The following CECR2 variants were observed in gnomAD, a reference collection of about 807,000 sequenced individuals.
CECR2 encodes chromatin remodeling regulator CECR2.
CECR2 carries 30 observed loss-of-function variants against 154.5 expected under a neutral mutation model. The observed-to-expected ratio is 0.19, with a 90% confidence interval of 0.15 to 0.26. CECR2 has a LOEUF of 0.26. Among genes scored for constraint, CECR2 ranks in the 10% least tolerant of loss-of-function variants. The probability of loss-of-function intolerance (pLI) is 1.00; values close to 1 mark genes in which losing one functional copy is unlikely to be tolerated. For missense variants in CECR2, 1,743 were observed against 1,829.3 expected, an observed-to-expected ratio of 0.95 and a Z score of 0.86; for synonymous variants, 725 against 683.7, an observed-to-expected ratio of 1.06 and a Z score of -0.94.
chr22:17,445,691 C>G (rs936445722), intron 1 of CECR2, among the ~76,000 whole-genome samples: 1 of 151,794 alleles, frequency 6.6e-6, no homozygotes, highest in African/African-American at 2.4e-5. Flanking sequence ...CTCCCAGGTT[C>G]GGGCAGTTCT....
chr22:17,545,714 G>A (rs1199025498), intron 16 of CECR2, among the ~76,000 whole-genome samples: 2 of 151,258 alleles, frequency 1.3e-5, no homozygotes, highest in Non-Finnish European at 2.9e-5. Flanking sequence ...ACAGTGGTGG[G>A]TGCCTGTAAT....
chr22:17,435,684 TAAAAAAAAA>T (rs10694414), intron 1 of CECR2, among the ~76,000 whole-genome samples: 6 of 90,944 alleles, frequency 6.6e-5, no homozygotes, highest in South Asian at 8.7e-4. Flanking sequence ...TTTTAATTCT[TAAAAAAAAA>T]AAAAAAAAAA....
At chr22:17,408,862 G>A (rs955718268) in intron 1 of CECR2, among the ~76,000 whole-genome samples, 16 of 152,152 alleles carry the variant, frequency 1.1e-4, no homozygotes, top group African/African-American at 2.9e-4. Flanking sequence ...ATTTAGAATA[G>A]TCTAAGTCCC....
intron 1 of CECR2, among the ~76,000 whole-genome samples, chr22:17,424,094 T>C (rs1030740926): frequency 7.2e-5 from 11 of 152,198 alleles, no homozygotes; most frequent in Non-Finnish European, 1.6e-4. Flanking sequence ...TATTATGTTA[T>C]CAGAATATGC....
At chr22:17,535,691 A>G (rs933109024) in intron 9 of CECR2, among the ~76,000 whole-genome samples, 2 of 151,912 alleles carry the variant, frequency 1.3e-5, no homozygotes, top group Admixed American at 1.3e-4. Context: ...TTTCCAGAAA[A>G]AAAAAAAATA....
chr22:17,548,153 C>A lies in CECR2; in HGVS notation c.2866C>A (p.Pro956Thr). Residue 956 changes from proline (P) to threonine (T), a missense_variant, in exon 17 of 19, where the codon CCG becomes ACG. Pro to Thr is a conservative substitution (Grantham distance 38). This residue lies in a region of CECR2 where 1,250 missense variants were observed against 1,192.1 expected (regional missense o/e 1.05). Coordinates refer to ENST00000262608, the MANE Select transcript of CECR2 (RefSeq NM_001290047.2). The part of the protein sequence containing the change: ...AQEPENDQAE[P>T]LPGLEEKPPG... ...CTTTTTTTTTTTTTTTGCAGCAGAG[C>A]CGTTGCCTGGCCTTGAAGAGAAACC... 2.0e-6 allele frequency: 3 copies of A among 1,520,750 alleles called. No homozygotes were observed. Among genetic ancestry groups the A allele is most frequent in the Non-Finnish European group, 1.8e-6 (2 of 1,133,198 alleles). 94.2% of individuals were successfully genotyped at this position (1,520,750 alleles called of 1,614,324 possible). A position where few individuals can be genotyped will look rare whatever the true frequency, so the allele number is the denominator to read the frequency against.
At chr22:17,371,402 C>A (rs1361579558) in intron 1 of CECR2, among the ~76,000 whole-genome samples, 3 of 152,004 alleles carry the variant, frequency 2.0e-5, no homozygotes, top group Non-Finnish European at 2.9e-5. Flanking sequence ...GGCGCCACAG[C>A]GTTTGTTTTC....
intron 1 of CECR2, among the ~76,000 whole-genome samples, chr22:17,442,141 A>ATTTCCCACCTT (rs1447701482): frequency 4.6e-5 from 6 of 131,564 alleles, no homozygotes; most frequent in African/African-American, 2.2e-4. Context: ...AAGGTGGGAA[A>ATTTCCCACCTT]GACAGAAAAA....
At chr22:17,404,364 C>CCTTTTTTTTTTTTTTT (rs781954770) in intron 1 of CECR2, among the ~76,000 whole-genome samples, 1 of 59,608 alleles carries the variant, frequency 1.7e-5, no homozygotes, top group African/African-American at 7.5e-5. Context: ...GGACCCTGTT[C>CCTTTTTTTTTTTTTTT]TTTCTTTTTT....
intron 2 of CECR2, among the ~76,000 whole-genome samples, chr22:17,489,053 C>T (rs1031215205): frequency 5.3e-5 from 8 of 152,124 alleles, no homozygotes; most frequent in African/African-American, 1.9e-4. Context: ...AAGTGATTCT[C>T]CTGCCTCAGC....
rs997094713 is a variant in CECR2, at chr22:17,497,259, T to C, written c.222-144T>C. 3 of 774,664 alleles carry C rather than the reference T, an allele frequency of 3.9e-6. No individual in the cohort carries two copies. In the African/African-American group the frequency reaches 5.3e-5, roughly 14 times the overall value. 48.0% of individuals were successfully genotyped at this position (774,664 alleles called of 1,614,324 possible). A position where few individuals can be genotyped will look rare whatever the true frequency, so the allele number is the denominator to read the frequency against. On this transcript the variant is annotated intron_variant, in intron 2 of 18. Coordinates refer to ENST00000262608, the MANE Select transcript of CECR2 (RefSeq NM_001290047.2). ...GAGCTGAGATCTTGCCACTGTGCTC[T>C]AGCCTGGATGACAGAGCGAGACCCT...
chr22:17,404,364 C>CTTT lies in CECR2; in HGVS notation c.126+34456_126+34458dup, dbSNP rs1209598318. On this transcript the variant is annotated intron_variant, in intron 1 of 18. Coordinates refer to ENST00000262608, the MANE Select transcript of CECR2 (RefSeq NM_001290047.2). Reference sequence around the variant, plus strand: ...TGTGGGTTCATTTCTGGACCCTGTTCTTTCTTTTTTTTTTTTTTTTTTTTT... The same window carrying CTTT: ...TGTGGGTTCATTTCTGGACCCTGTTCTTTTTTCTTTTTTTTTTTTTTTTTTTTT... Among the ~76,000 whole-genome samples, 54 of 59,578 alleles carry CTTT rather than the reference C, an allele frequency of 9.1e-4. 7 individuals are homozygous for CTTT. Among genetic ancestry groups the CTTT allele is most frequent in the African/African-American group, 3.5e-3 (47 of 13,270 alleles). 39.1% of individuals were successfully genotyped at this position (59,578 alleles called of 152,430 possible). A position where few individuals can be genotyped will look rare whatever the true frequency, so the allele number is the denominator to read the frequency against.
intron 17 of CECR2, among the ~76,000 whole-genome samples, chr22:17,551,272 TTC>T (rs1307444485): frequency 6.6e-6 from 1 of 152,220 alleles, no homozygotes; most frequent in Admixed American, 6.5e-5. Flanking sequence ...GAGTTTTTGT[TTC>T]TGTTTCCTCA....
chr22:17,485,201 A>G (rs2055399385), intron 2 of CECR2, among the ~76,000 whole-genome samples: 1 of 152,166 alleles, frequency 6.6e-6, no homozygotes, highest in South Asian at 2.1e-4. Flanking sequence ...TCCATCAGGG[A>G]TGAGGAATTT....
intron 1 of CECR2, among the ~76,000 whole-genome samples, chr22:17,450,319 G>A (rs978247360): frequency 2.6e-5 from 4 of 152,166 alleles, no homozygotes; most frequent in African/African-American, 7.2e-5. Context: ...TCGCCAGGCT[G>A]GAGTGCAGTG....
intron 2 of CECR2, among the ~76,000 whole-genome samples, chr22:17,480,459 C>CACACACAGAGAGAG (rs373106595): frequency 7.0e-6 from 1 of 143,738 alleles, no homozygotes; most frequent in South Asian, 2.2e-4. Context: ...CACACACACA[C>CACACACAGAGAGAG]AGAGAAAAGT....
chr22:17,544,362 G>C (rs954838485), intron 16 of CECR2, among the ~76,000 whole-genome samples: 1 of 151,924 alleles, frequency 6.6e-6, no homozygotes, highest in Non-Finnish European at 1.5e-5. Context: ...GCCGAGCGTG[G>C]TGGCAGGCGC....
chr22:17,414,170 C>T (rs1198869486), intron 1 of CECR2, among the ~76,000 whole-genome samples: 1 of 151,770 alleles, frequency 6.6e-6, no homozygotes, highest in Non-Finnish European at 1.5e-5. Context: ...GATGGGATTT[C>T]ACTGTGTTAG....
At chr22:17,471,590 A>C (rs1356800685) in intron 1 of CECR2, among the ~76,000 whole-genome samples, 1 of 152,094 alleles carries the variant, frequency 6.6e-6, no homozygotes, top group Non-Finnish European at 1.5e-5. Context: ...GTTAGAATGC[A>C]GTGGGTGTGA....
Sources: allele counts gnomAD v4.1 joint callset (sites outside exome capture counted in the v4.1 genomes callset), GRCh38; gene constraint gnomAD v4.1.1; regional missense constraint gnomAD v4.1.1; transcripts MANE v1.5; gene names NCBI Gene and HGNC (gene_info 2026-07-23, HGNC 2026-07-21).